The following FBXW7 variants were observed in gnomAD, a reference collection of about 807,000 sequenced individuals.
FBXW7 encodes F-box/WD repeat-containing protein 7.
In FBXW7, 11 loss-of-function variants were observed where a neutral mutation model predicts 86.3. That is an observed-to-expected ratio of 0.13 (90% CI 0.08 to 0.21). The LOEUF is 0.21. Ranked by LOEUF, FBXW7 falls within the 10% of genes least tolerant of loss-of-function variation. The pLI, the probability that FBXW7 is intolerant of heterozygous loss-of-function variation, is 1.00. For missense variants in FBXW7, 488 were observed against 847.4 expected (o/e 0.58, Z 5.27); for synonymous variants, 313 against 297.9 (o/e 1.05, Z -0.52).
intron 8 of FBXW7, among the ~76,000 whole-genome samples, chr4:152,331,778 A>G (rs1038235301): frequency 6.6e-5 from 10 of 152,152 alleles, no homozygotes; most frequent in Non-Finnish European, 1.3e-4. Flanking sequence ...AAAAATGATT[A>G]TATGGAAGAA....
intron 2 of FBXW7, among the ~76,000 whole-genome samples, chr4:152,497,613 G>A (rs1283004924): frequency 6.6e-6 from 1 of 151,608 alleles, no homozygotes; most frequent in Non-Finnish European, 1.5e-5. Context: ...CTTTCAAATA[G>A]GCAAAAAAAT....
intron 4 of FBXW7, among the ~76,000 whole-genome samples, chr4:152,358,269 A>C (rs1397571338): frequency 6.6e-6 from 1 of 152,180 alleles, no homozygotes; most frequent in Non-Finnish European, 1.5e-5. Flanking sequence ...GAAAGAATGA[A>C]ATCAAATTTC....
intron 4 of FBXW7, among the ~76,000 whole-genome samples, chr4:152,396,234 G>A (rs1432769205): frequency 6.6e-6 from 1 of 151,828 alleles, no homozygotes; most frequent in Non-Finnish European, 1.5e-5. Flanking sequence ...ACTTCTGGGT[G>A]GATAAAAGTG....
chr4:152,439,330 T>C (rs537398073), intron 2 of FBXW7, among the ~76,000 whole-genome samples: 3 of 152,290 alleles, frequency 2.0e-5, no homozygotes, highest in Non-Finnish European at 4.4e-5. Flanking sequence ...AAATGAATGT[T>C]CTCGAGGACC....
At chr4:152,520,704 C>T (rs189113019) in intron 2 of FBXW7, among the ~76,000 whole-genome samples, 28 of 152,150 alleles carry the variant, frequency 1.8e-4, no homozygotes, top group Admixed American at 1.3e-3. Flanking sequence ...AACACCAGAA[C>T]GGACCTATGT....
chr4:152,529,890 T>C (rs913981004), intron 2 of FBXW7, among the ~76,000 whole-genome samples: 2 of 151,440 alleles, frequency 1.3e-5, no homozygotes, highest in Non-Finnish European at 2.9e-5. Flanking sequence ...CCCATCTCTA[T>C]CAAAAATACA....
intron 2 of FBXW7, among the ~76,000 whole-genome samples, chr4:152,467,466 A>G (rs977312243): frequency 1.3e-5 from 2 of 152,184 alleles, no homozygotes; most frequent in Non-Finnish European, 2.9e-5. Flanking sequence ...GAACGGACTA[A>G]TAACATCTAT....
chr4:152,405,219 A>T (rs1290048893), intron 4 of FBXW7, among the ~76,000 whole-genome samples: 4 of 152,186 alleles, frequency 2.6e-5, no homozygotes, highest in African/African-American at 9.6e-5. Flanking sequence ...CTGCTCAAAA[A>T]AGTGAAGAAT....
intron 4 of FBXW7, among the ~76,000 whole-genome samples, chr4:152,354,950 C>T (rs1388554282): frequency 6.6e-6 from 1 of 152,036 alleles, no homozygotes; most frequent in Non-Finnish European, 1.5e-5. Context: ...GTGAGAAATG[C>T]GAATGTTTAT....
intron 2 of FBXW7, among the ~76,000 whole-genome samples, chr4:152,444,699 C>T (rs1741212447): frequency 6.6e-6 from 1 of 152,122 alleles, no homozygotes; most frequent in African/African-American, 2.4e-5. Flanking sequence ...TTTGGTATAA[C>T]CAAGAATCAT....
chr4:152,430,336 G>A (rs77002116), intron 2 of FBXW7, among the ~76,000 whole-genome samples: 2,083 of 152,250 alleles, frequency 0.014, 26 homozygotes, highest in Middle Eastern at 0.037. Flanking sequence ...GAGAATGTCA[G>A]CTACTGCCTT....
intron 2 of FBXW7, among the ~76,000 whole-genome samples, chr4:152,495,994 T>C (rs146906004): frequency 9.2e-5 from 14 of 152,172 alleles, no homozygotes; most frequent in Admixed American, 2.0e-4. Context: ...CTGGGCAACA[T>C]AGCAAGACCT....
chr4:152,440,573 A>C (rs1424505980), intron 2 of FBXW7, among the ~76,000 whole-genome samples: 1 of 152,236 alleles, frequency 6.6e-6, no homozygotes. Flanking sequence ...TTTGTTTTAC[A>C]TCAAGGCATT....
chr4:152,322,840 A>T lies in FBXW7; in HGVS notation c.*41T>A, dbSNP rs895688945. ...TTTTGCAGGGGGAAGGGCAGGGAGT[A>T]TATCGTCTACACAATTGGACAAATT... On this transcript the variant is annotated 3_prime_UTR_variant, in exon 14 of 14. Coordinates refer to ENST00000281708, the MANE Select transcript of FBXW7 (RefSeq NM_001349798.2). 2.5e-6 allele frequency: 4 copies of T among 1,608,074 alleles called. No homozygotes were observed. The highest frequency in any genetic ancestry group is 2.7e-5 in the African/African-American group (2 of 74,620).
intron 4 of FBXW7, among the ~76,000 whole-genome samples, chr4:152,389,710 T>C (rs1207997042): frequency 2.0e-5 from 3 of 152,010 alleles, no homozygotes; most frequent in African/African-American, 7.2e-5. Context: ...TTCACCACTA[T>C]GTAATATATC....
At chr4:152,442,991 G>C (rs986180994) in intron 2 of FBXW7, among the ~76,000 whole-genome samples, 5 of 152,284 alleles carry the variant, frequency 3.3e-5, no homozygotes, top group African/African-American at 1.2e-4. Context: ...GGCCAGGCGC[G>C]GTGGCTCATG....
chr4:152,346,802 A>G, intron 6 of FBXW7, 128 bp downstream of exon 6: 2 of 1,275,542 alleles, frequency 1.6e-6, no homozygotes, highest in Non-Finnish European at 2.1e-6. Context: ...TTCACTTGGC[A>G]GAATGATTTC....
intron 2 of FBXW7, among the ~76,000 whole-genome samples, chr4:152,479,482 C>G (rs1021547880): frequency 6.6e-6 from 1 of 152,114 alleles, no homozygotes; most frequent in Non-Finnish European, 1.5e-5. Context: ...CTCGCACACA[C>G]ACATATCTTT....
At chr4:152,428,561 A>C (rs945542003) in intron 2 of FBXW7, among the ~76,000 whole-genome samples, 1 of 152,244 alleles carries the variant, frequency 6.6e-6, no homozygotes, top group Non-Finnish European at 1.5e-5. Flanking sequence ...CCTGCGAGGC[A>C]GCGTAGCACA....
Sources: allele counts gnomAD v4.1 joint callset (sites outside exome capture counted in the v4.1 genomes callset), GRCh38; gene constraint gnomAD v4.1.1; transcripts MANE v1.5; gene names NCBI Gene and HGNC (gene_info 2026-07-23, HGNC 2026-07-21).